CCDC192: variants seen among roughly 807,000 people sequenced by gnomAD.
CCDC192 encodes the protein coiled-coil domain containing 192, also known as coiled-coil domain-containing protein 192.
intron 2 of CCDC192, among the ~76,000 whole-genome samples, chr5:127,719,727 C>T (rs554311754): frequency 6.6e-6 from 1 of 150,686 alleles, no homozygotes; most frequent in African/African-American, 2.4e-5. Context: ...GGGTTCTGCT[C>T]ATGGTTCTAC....
At chr5:127,742,814 G>A (rs979890502) in intron 2 of CCDC192, among the ~76,000 whole-genome samples, 1 of 152,050 alleles carries the variant, frequency 6.6e-6, no homozygotes, top group African/African-American at 2.4e-5. Flanking sequence ...GAATCAATTT[G>A]GCTTCATGAA....
chr5:127,733,301 T>G (rs1210273186), intron 2 of CCDC192, among the ~76,000 whole-genome samples: 1 of 152,102 alleles, frequency 6.6e-6, no homozygotes, highest in South Asian at 2.1e-4. Context: ...ACCTACAGCT[T>G]GATGAGAGAA....
chr5:127,728,239 T>A (rs1374825462), intron 2 of CCDC192, among the ~76,000 whole-genome samples: 2 of 151,958 alleles, frequency 1.3e-5, no homozygotes, highest in Non-Finnish European at 2.9e-5. Flanking sequence ...AGACACATAA[T>A]CATCAGATTC....
chr5:127,819,171 T>C (rs780537552), intron 5 of CCDC192, among the ~76,000 whole-genome samples: 2 of 152,138 alleles, frequency 1.3e-5, no homozygotes, highest in Non-Finnish European at 2.9e-5. Context: ...GACCCCCTAC[T>C]GTCCCTAAAT....
At chr5:127,811,774 A>G (rs534001778) in intron 5 of CCDC192, among the ~76,000 whole-genome samples, 13 of 152,230 alleles carry the variant, frequency 8.5e-5, no homozygotes, top group African/African-American at 3.1e-4. Flanking sequence ...ACCAATAATC[A>G]TGATACGTGA....
intron 2 of CCDC192, among the ~76,000 whole-genome samples, chr5:127,719,836 G>GA (rs1561445507): frequency 6.7e-6 from 1 of 149,724 alleles, no homozygotes; most frequent in Non-Finnish European, 1.5e-5. Flanking sequence ...GGAAGGGGCG[G>GA]GGGAGGTGAC....
At chr5:127,822,568 T>G (rs545113855) in intron 5 of CCDC192, among the ~76,000 whole-genome samples, 1 of 152,262 alleles carries the variant, frequency 6.6e-6, no homozygotes, top group South Asian at 2.1e-4. Flanking sequence ...AGAGGGGTTC[T>G]GGGAGAGGGT....
At position 127,848,098 on chromosome 5, in the gene CCDC192, G is replaced by C. The variant is rs541311714; in HGVS notation, c.412-27440G>C. 1.0e-3 allele frequency among the ~76,000 whole-genome samples: 152 copies of C among 151,900 alleles called. 1 individual carries two copies. Among genetic ancestry groups the C allele is most frequent in the Non-Finnish European group, 1.6e-3 (108 of 67,968 alleles). On this transcript the variant is annotated intron_variant, in intron 5 of 6. Coordinates refer to ENST00000514853, the MANE Select transcript of CCDC192 (RefSeq NM_001317938.2). Reference sequence around the variant, plus strand: ...CAGTGATTTTTTTTTTAATCTCTATGTTTGGTGACCAAACTCCTGAGTGGC... The same window carrying C: ...CAGTGATTTTTTTTTTAATCTCTATCTTTGGTGACCAAACTCCTGAGTGGC...
intron 2 of CCDC192, among the ~76,000 whole-genome samples, chr5:127,716,121 C>G (rs1342169160): frequency 6.6e-5 from 10 of 150,648 alleles, no homozygotes; most frequent in Admixed American, 2.6e-4. Context: ...TCATCAAATG[C>G]TTTTTTTTTG....
At chr5:127,765,693 T>C (rs1358098984) in intron 3 of CCDC192, among the ~76,000 whole-genome samples, 1 of 152,176 alleles carries the variant, frequency 6.6e-6, no homozygotes, top group Non-Finnish European at 1.5e-5. Context: ...AACATAATTT[T>C]ATTAATAAAC....
chr5:127,925,286 T>C (rs896962712), intron 6 of CCDC192, among the ~76,000 whole-genome samples: 3 of 128,406 alleles, frequency 2.3e-5, no homozygotes, highest in Admixed American at 8.5e-5. Flanking sequence ...AAAATCTTGT[T>C]TGAGTCCCCT....
At chr5:127,869,782 T>C (rs965151878) in intron 5 of CCDC192, among the ~76,000 whole-genome samples, 2 of 152,348 alleles carry the variant, frequency 1.3e-5, no homozygotes, top group South Asian at 4.1e-4. Context: ...TTTCATTTTC[T>C]TTTTATTATA....
intron 3 of CCDC192, chr5:127,784,994 C>A: frequency 2.1e-6 from 1 of 477,132 alleles, no homozygotes. Context: ...TCTTCCAAGA[C>A]CAATAACTTC....
chr5:127,707,827 TTTAA>T (rs536506719), intron 2 of CCDC192, 67 bp downstream of exon 2: 35 of 395,950 alleles, frequency 8.8e-5, no homozygotes, highest in African/African-American at 5.5e-4. Flanking sequence ...AACTAACTTC[TTTAA>T]TTAATATTAA....
intron 5 of CCDC192, among the ~76,000 whole-genome samples, chr5:127,863,352 A>G (rs1751454979): frequency 6.6e-6 from 1 of 152,250 alleles, no homozygotes; most frequent in African/African-American, 2.4e-5. Context: ...GACACATAGT[A>G]CAACATAAAT....
chr5:127,895,104 A>G (rs1752842818), intron 6 of CCDC192, among the ~76,000 whole-genome samples: 1 of 152,166 alleles, frequency 6.6e-6, no homozygotes, highest in Non-Finnish European at 1.5e-5. Context: ...TCACCTAGGT[A>G]TTAAGCCCAG....
At chr5:127,789,841 A>G (rs1756763195) in intron 3 of CCDC192, among the ~76,000 whole-genome samples, 1 of 152,242 alleles carries the variant, frequency 6.6e-6, no homozygotes, top group African/African-American at 2.4e-5. Flanking sequence ...TCAACAGGCC[A>G]AATATCCTCC....
At chr5:127,742,296 A>T (rs557829170) in intron 2 of CCDC192, among the ~76,000 whole-genome samples, 1 of 152,318 alleles carries the variant, frequency 6.6e-6, no homozygotes, top group African/African-American at 2.4e-5. Context: ...ACCTTTTTAT[A>T]AATTAAAATC....
At chr5:127,712,042 C>G (rs1359683325) in intron 2 of CCDC192, among the ~76,000 whole-genome samples, 1 of 152,096 alleles carries the variant, frequency 6.6e-6, no homozygotes, top group African/African-American at 2.4e-5. Context: ...CCTGCCTCTC[C>G]CCACCTGCCC....
Sources: allele counts gnomAD v4.1 joint callset (sites outside exome capture counted in the v4.1 genomes callset), GRCh38; gene constraint gnomAD v4.1.1; transcripts MANE v1.5; gene names NCBI Gene and HGNC (gene_info 2026-07-23, HGNC 2026-07-21).